RANBP2: variants seen among roughly 807,000 people sequenced by gnomAD.
RANBP2 encodes E3 SUMO-protein ligase RanBP2.
Under a neutral mutation model 303.6 loss-of-function variants are expected in RANBP2, and 57 were observed. That is an observed-to-expected ratio of 0.19 (90% CI 0.15 to 0.23). RANBP2 has a LOEUF of 0.23. RANBP2 is among the 10% of genes least tolerant of loss of function. RANBP2 has a pLI of 1.00. For synonymous variants in RANBP2, 1,167 were observed against 1,301.5 expected (o/e 0.90, Z 2.23); for missense variants, 3,138 against 3,780.8 (o/e 0.83, Z 4.46).
chr2:109,237,991 A>G, the RANBP2 span, among the ~76,000 whole-genome samples: 2 of 152,166 alleles, frequency 1.3e-5, no homozygotes, highest in African/African-American at 4.8e-5. Flanking sequence ...CTAGCACTTG[A>G]GGTCAGGAGT....
the RANBP2 span, among the ~76,000 whole-genome samples, chr2:109,500,630 T>C: frequency 2.3e-4 from 35 of 152,212 alleles, no homozygotes; most frequent in East Asian, 3.7e-3. Flanking sequence ...GGGAAAAAAA[T>C]CTTATGATTT....
At chr2:108,789,960 A>G (rs1434004618), downstream of RANBP2, among the ~76,000 whole-genome samples, 1 of 152,256 alleles carries the variant, frequency 6.6e-6, no homozygotes, top group Non-Finnish European at 1.5e-5. Context: ...CATATATAAC[A>G]TGAAATGTTG....
In RANBP2 at chr2:108,767,523, T is replaced by C. The variant is rs1196123307; in HGVS notation, c.6984T>C (p.Asn2328=). The C allele has an allele frequency of 6.2e-7, 1 of 1,611,814 alleles. No individual in the cohort carries two copies. The highest frequency in any genetic ancestry group is 1.7e-5 in the Admixed American group (1 of 59,974). ...TTGAAGTATCCAGTGGTGAGGAAAA[T>C]GAACAAGTTGTTTTTAGTCACAGGG... The part of the protein sequence containing the change: ...DLVEVSSGEE[N]EQVVFSHRAK... The change falls in exon 20 of 29, where the codon AAT becomes AAC. Residue 2328 remains asparagine, a synonymous_variant. Transcript: ENST00000283195.
the RANBP2 span, among the ~76,000 whole-genome samples, chr2:109,720,450 C>T: frequency 6.6e-6 from 1 of 152,134 alleles, no homozygotes; most frequent in African/African-American, 2.4e-5. Context: ...CCATCCCAGA[C>T]AAATTGAAAC....
At chr2:108,939,097 A>G in the RANBP2 span, among the ~76,000 whole-genome samples, 1 of 152,108 alleles carries the variant, frequency 6.6e-6, no homozygotes, top group South Asian at 2.1e-4. Flanking sequence ...CTCTTATATA[A>G]GCATAGTAAC....
the RANBP2 span, among the ~76,000 whole-genome samples, chr2:109,268,579 G>A: frequency 4.6e-5 from 7 of 152,300 alleles, no homozygotes; most frequent in East Asian, 1.2e-3. Flanking sequence ...ACTGGGCCTC[G>A]CTCCAGGGAG....
chr2:108,892,615 G>T, the RANBP2 span, among the ~76,000 whole-genome samples: 385 of 152,288 alleles, frequency 2.5e-3, 4 homozygotes, highest in African/African-American at 9.0e-3. Flanking sequence ...CTCTGGAGCA[G>T]TTCCATCCCA....
the RANBP2 span, among the ~76,000 whole-genome samples, chr2:108,827,914 C>T: frequency 6.6e-6 from 1 of 151,834 alleles, no homozygotes; most frequent in Non-Finnish European, 1.5e-5. Context: ...ATTCCCATTC[C>T]CATATGTAAA....
At chr2:108,841,225 A>G in the RANBP2 span, among the ~76,000 whole-genome samples, 3 of 152,040 alleles carry the variant, frequency 2.0e-5, no homozygotes, top group Non-Finnish European at 4.4e-5. Flanking sequence ...TATGGCTGAG[A>G]ATATGTATTC....
chr2:109,687,670 A>AC, the RANBP2 span, among the ~76,000 whole-genome samples: 1 of 151,790 alleles, frequency 6.6e-6, no homozygotes, highest in African/African-American at 2.4e-5. Flanking sequence ...GCGACTCTGT[A>AC]CCATTCTTAT....
the RANBP2 span, among the ~76,000 whole-genome samples, chr2:109,536,235 G>T: frequency 5.6e-4 from 86 of 152,288 alleles, no homozygotes; most frequent in African/African-American, 2.0e-3. Flanking sequence ...TGGAAAAGCT[G>T]CAGACACTCA....
chr2:108,790,146 A>G (rs373256913), downstream of RANBP2, among the ~76,000 whole-genome samples: 139 of 152,316 alleles, frequency 9.1e-4, 1 homozygote, highest in South Asian at 0.025. Flanking sequence ...AATGTTACCT[A>G]TTATCATTAT....
chr2:108,936,042 C>T, the RANBP2 span, among the ~76,000 whole-genome samples: 1 of 152,234 alleles, frequency 6.6e-6, no homozygotes, highest in African/African-American at 2.4e-5. Flanking sequence ...CTGGTCACCA[C>T]CTTTAGGAGA....
the RANBP2 span, among the ~76,000 whole-genome samples, chr2:109,573,975 G>GT: frequency 6.6e-6 from 1 of 152,104 alleles, no homozygotes; most frequent in South Asian, 2.1e-4. Flanking sequence ...AGTAAAATTA[G>GT]TATCAACTAA....
chr2:109,056,492 C>G, the RANBP2 span, among the ~76,000 whole-genome samples: 15 of 152,272 alleles, frequency 9.9e-5, no homozygotes, highest in East Asian at 2.9e-3. Context: ...TAGATCTCTT[C>G]TTCCCACCCT....
At chr2:108,817,140 G>A in the RANBP2 span, among the ~76,000 whole-genome samples, 1 of 152,146 alleles carries the variant, frequency 6.6e-6, no homozygotes, top group African/African-American at 2.4e-5. Context: ...CCTTAAAATA[G>A]GGAGGTTATC....
intron 6 of RANBP2, among the ~76,000 whole-genome samples, chr2:108,737,319 TTTTC>T (rs1231181090): frequency 1.5e-4 from 23 of 150,802 alleles, no homozygotes; most frequent in Middle Eastern, 3.4e-3. Context: ...GGGTTCCTTT[TTTTC>T]TTTCTTTCTT....
the RANBP2 span, among the ~76,000 whole-genome samples, chr2:109,686,212 T>C: frequency 1.3e-5 from 2 of 152,182 alleles, no homozygotes; most frequent in South Asian, 4.1e-4. Flanking sequence ...TGAAGCAAGT[T>C]AAGCCCTGAG....
downstream of RANBP2, chr2:108,789,026 G>T (rs373028320): frequency 6.3e-6 from 10 of 1,576,524 alleles, no homozygotes; most frequent in African/African-American, 2.7e-5. Context: ...AACTGAGAAA[G>T]AGAAAAGGGC....
Sources: gnomAD v4.1 joint callset for allele counts (sites outside exome capture counted in the v4.1 genomes callset) on GRCh38, gnomAD v4.1.1 for gene constraint, MANE v1.5 for transcripts, NCBI Gene and HGNC (gene_info 2026-07-23, HGNC 2026-07-21) for gene names.